The following KLRF1 variants were observed in gnomAD, a reference collection of about 807,000 sequenced individuals.
KLRF1 encodes the protein killer cell lectin-like receptor subfamily F member 1.
In KLRF1, 27 loss-of-function variants were observed where a neutral mutation model predicts 30.7. That is an observed-to-expected ratio of 0.88 (90% confidence interval 0.65 to 1.21). The LOEUF (loss-of-function observed/expected upper bound fraction) is 1.21. Ranked by LOEUF, KLRF1 falls within the 50% of genes most tolerant of loss-of-function variation. The pLI is 0.00. For synonymous variants in KLRF1, 92 were observed against 89.3 expected, an observed-to-expected ratio of 1.03 and a Z score of -0.17; for missense variants, 246 against 259.3, an observed-to-expected ratio of 0.95 and a Z score of 0.35.
At chr12:9,827,701 T>C in intron 1 of KLRF1, 72 bp downstream of exon 1, 1 of 832,514 alleles carries the variant, frequency 1.2e-6, no homozygotes, top group East Asian at 2.6e-5. Flanking sequence ...TGTTCCATTG[T>C]GTTATTGGAC....
upstream of KLRF1, among the ~76,000 whole-genome samples, chr12:9,826,909 A>G (rs757383230): frequency 9.5e-4 from 145 of 152,272 alleles, no homozygotes; most frequent in Middle Eastern, 3.4e-3. Flanking sequence ...TCAGAAAAAC[A>G]TAACTATGTA....
rs1867454821 is a variant in KLRF1 at position 9,832,489 on chromosome 12, A to G, written c.184+75A>G. The G allele has an allele frequency of 5.9e-6, 5 of 846,860 alleles. No homozygotes were observed. In the Admixed American group the frequency reaches 9.0e-5, roughly 15 times the overall value. The allele number at this position is 846,860 out of a possible 1,614,324, so 52.5% of individuals were successfully genotyped here. On this transcript the variant is annotated intron_variant, in intron 2 of 5. Coordinates refer to ENST00000617889, the MANE Select transcript of KLRF1 (RefSeq NM_016523.3). ...GTCTCTTATAAATCTTTTTATAATT[A>G]TTCATTCATTCTTCACTACATTAAC...
chr12:9,809,979 A>G, the KLRF1 span, among the ~76,000 whole-genome samples: 2 of 152,158 alleles, frequency 1.3e-5, no homozygotes, highest in South Asian at 4.1e-4. Flanking sequence ...ATCAATTAGC[A>G]AGGTTGATAA....
upstream of KLRF1, among the ~76,000 whole-genome samples, chr12:9,822,534 C>T (rs759738272): frequency 1.4e-4 from 21 of 152,258 alleles, no homozygotes; most frequent in African/African-American, 4.3e-4. Flanking sequence ...TACAAATCAT[C>T]GACATCCCTG....
At chr12:9,806,528 G>C in the KLRF1 span, among the ~76,000 whole-genome samples, 3 of 152,034 alleles carry the variant, frequency 2.0e-5, no homozygotes, top group East Asian at 5.8e-4. Context: ...TTCTTATGTA[G>C]ATGGCATATA....
intron 3 of KLRF1, among the ~76,000 whole-genome samples, chr12:9,834,368 T>C (rs1200351526): frequency 6.6e-6 from 1 of 151,770 alleles, no homozygotes; most frequent in Non-Finnish European, 1.5e-5. Flanking sequence ...ATAAGAAAAA[T>C]AACATAAAAT....
chr12:9,800,117 T>G, the KLRF1 span, among the ~76,000 whole-genome samples: 1 of 152,072 alleles, frequency 6.6e-6, no homozygotes, highest in East Asian at 1.9e-4. Flanking sequence ...GAAGTGGGAT[T>G]ACTGGATTAT....
chr12:9,840,454 C>A (rs1867676170), intron 3 of KLRF1, among the ~76,000 whole-genome samples: 1 of 151,888 alleles, frequency 6.6e-6, no homozygotes, highest in Non-Finnish European at 1.5e-5. Flanking sequence ...TTATATATAT[C>A]TCACTTTTTC....
At chr12:9,821,167 C>T in the KLRF1 span, among the ~76,000 whole-genome samples, 1,669 of 152,102 alleles carry the variant, frequency 0.011, 33 homozygotes, top group African/African-American at 0.038. Context: ...AGACCATTCT[C>T]TCCTCCTGAT....
At chr12:9,816,952 C>G in the KLRF1 span, among the ~76,000 whole-genome samples, 1 of 151,864 alleles carries the variant, frequency 6.6e-6, no homozygotes, top group Non-Finnish European at 1.5e-5. Context: ...CCAGGGTGGT[C>G]TCGATCTGCT....
the KLRF1 span, among the ~76,000 whole-genome samples, chr12:9,805,285 T>C: frequency 6.6e-6 from 1 of 151,922 alleles, no homozygotes; most frequent in Non-Finnish European, 1.5e-5. Context: ...AGTAAAGGCC[T>C]GGTCTCTGCT....
the KLRF1 span, among the ~76,000 whole-genome samples, chr12:9,810,767 G>A: frequency 6.6e-6 from 1 of 152,210 alleles, no homozygotes; most frequent in Non-Finnish European, 1.5e-5. Context: ...AGTGTTCAGA[G>A]ATTAGGAAGT....
At chr12:9,831,290 T>G (rs1448391530) in intron 1 of KLRF1, among the ~76,000 whole-genome samples, 1 of 152,164 alleles carries the variant, frequency 6.6e-6, no homozygotes, top group Non-Finnish European at 1.5e-5. Flanking sequence ...AAAATTATTT[T>G]AATATCTTTG....
chr12:9,832,689 A>G (rs77465076), intron 2 of KLRF1, among the ~76,000 whole-genome samples: 27 of 117,188 alleles, frequency 2.3e-4, no homozygotes, highest in Non-Finnish European at 3.4e-4. Flanking sequence ...GTGTGTGTGT[A>G]TGTGTGTGTA....
At chr12:9,825,066 G>A (rs1867264652), upstream of KLRF1, among the ~76,000 whole-genome samples, 2 of 152,070 alleles carry the variant, frequency 1.3e-5, no homozygotes, top group Non-Finnish European at 1.5e-5. Context: ...CAGATTTAAT[G>A]CTATTCCTAT....
rs751278483 is a variant in KLRF1 at position 9,832,400 on chromosome 12, C to G, written c.170C>G (p.Ser57Cys). The G allele has an allele frequency of 6.3e-7, 1 of 1,594,466 alleles. No homozygotes were observed. Among genetic ancestry groups the G allele is most frequent in the South Asian group, 1.1e-5 (1 of 90,284 alleles). ...GGTATTCTCACTTTGACTTTGATCT[C>G]CTTGATCCTGTTGGGTAAGTTTAGA... ...VNGILTLTLISLILLVSQGVL... is the reference protein window; with the variant it reads ...VNGILTLTLICLILLVSQGVL... Residue 57 changes from serine to cysteine, a missense_variant, in exon 2 of 6, where the codon TCC becomes TGC. Coordinates refer to ENST00000617889, the MANE Select transcript of KLRF1 (RefSeq NM_016523.3).
chr12:9,807,771 G>A, the KLRF1 span, among the ~76,000 whole-genome samples: 3 of 152,062 alleles, frequency 2.0e-5, no homozygotes, highest in Non-Finnish European at 2.9e-5. Context: ...GCGGGGAGGG[G>A]TGTTCATTTC....
the KLRF1 span, among the ~76,000 whole-genome samples, chr12:9,815,596 G>C: frequency 2.6e-5 from 4 of 152,192 alleles, no homozygotes; most frequent in Non-Finnish European, 5.9e-5. Flanking sequence ...AAAGTGTGTG[G>C]ATCAAGCAAT....
the KLRF1 span, among the ~76,000 whole-genome samples, chr12:9,818,337 G>A: frequency 1.3e-5 from 2 of 152,224 alleles, no homozygotes; most frequent in Non-Finnish European, 2.9e-5. Flanking sequence ...TGCAGCCTCT[G>A]GTGTGGCCAG....
Sources: allele counts gnomAD v4.1 joint callset (sites outside exome capture counted in the v4.1 genomes callset), GRCh38; gene constraint gnomAD v4.1.1; transcripts MANE v1.5; gene names NCBI Gene and HGNC (gene_info 2026-07-23, HGNC 2026-07-21).